DLC1: variants seen among roughly 807,000 people sequenced by gnomAD.
The protein encoded by DLC1 is DLC1 Rho GTPase activating protein, also known as rho GTPase-activating protein 7.
Under a neutral mutation model 140.3 loss-of-function variants are expected in DLC1, and 54 were observed. The ratio of observed to expected loss-of-function variants is 0.38; its 90% CI spans 0.31 to 0.48. The LOEUF (loss-of-function observed/expected upper bound fraction) is 0.48. Among genes scored for constraint, DLC1 ranks in the 20% least tolerant of loss-of-function variants. DLC1 has a pLI of 0.96. For synonymous variants in DLC1, 986 were observed against 728.1 expected (o/e 1.35, Z -5.70); for missense variants, 2,536 against 1,907.0 (o/e 1.33, Z -6.14).
intron 5 of DLC1, among the ~76,000 whole-genome samples, chr8:13,290,606 T>C (rs1249309423): frequency 6.6e-6 from 1 of 152,082 alleles, no homozygotes; most frequent in Admixed American, 6.5e-5. Flanking sequence ...TTAATAATAA[T>C]AATAAAGAGT....
rs762299647 is a variant in DLC1, at chr8:13,092,637, G to C, written c.3715C>G (p.Leu1239Val). The change falls in exon 13 of 18, where the codon CTG (leucine) becomes GTG (valine). Residue 1239 changes from leucine (L) to valine (V), a missense_variant. Transcript: ENST00000276297. Reference sequence around the variant, plus strand: ...CTGGGAGAGGAATTCTCTCTCTTCAGGGTGTTGAGATGGAAGAGGGAAGGC... The same window carrying C: ...CTGGGAGAGGAATTCTCTCTCTTCACGGTGTTGAGATGGAAGAGGGAAGGC... ...LAPSLFHLNT[L>V]KRENSSPRVM... 11 of 1,614,066 alleles carry C rather than the reference G, an allele frequency of 6.8e-6. No individual in the cohort carries two copies. The highest frequency in any genetic ancestry group is 9.3e-6 in the Non-Finnish European group (11 of 1,180,052).
In DLC1 at chr8:13,534,724, C is replaced by G. The variant is rs1803212912; in HGVS notation, c.-125-34528G>C. ...GAGCCAGCTGCTGTCAATTCTGAAG[C>G]CACTACCTTCTGAGTAGCTGAATCC... On this transcript the variant is annotated intron_variant, in intron 1 of 1. Transcript: ENST00000631382. Among the ~76,000 whole-genome samples, 4 of 152,196 alleles carry G rather than the reference C, an allele frequency of 2.6e-5. No homozygotes were observed. The South Asian group carries it at 8.3e-4, about 31-fold the overall frequency.
intron 5 of DLC1, among the ~76,000 whole-genome samples, chr8:13,189,893 AAAG>A (rs1184923895): frequency 6.6e-6 from 1 of 152,066 alleles, no homozygotes; most frequent in Non-Finnish European, 1.5e-5. Context: ...AGAAAAAAAA[AAAG>A]AAGCTGCACT....
At chr8:13,282,061 T>C (rs1185276364) in intron 5 of DLC1, among the ~76,000 whole-genome samples, 1 of 152,130 alleles carries the variant, frequency 6.6e-6, no homozygotes, top group Non-Finnish European at 1.5e-5. Context: ...TTACATAGGG[T>C]GGGGACTCGT....
intron 1 of DLC1, among the ~76,000 whole-genome samples, chr8:13,530,006 G>GTGGAGGATGCGAAGAGGGT (rs1189141338): frequency 6.6e-6 from 1 of 152,172 alleles, no homozygotes; most frequent in Non-Finnish European, 1.5e-5. Flanking sequence ...ATTTTGAGTA[G>GTGGAGGATGCGAAGAGGGT]TGGAGGATGC....
chr8:13,212,683 T>C (rs1237498644), intron 5 of DLC1, among the ~76,000 whole-genome samples: 1 of 152,200 alleles, frequency 6.6e-6, no homozygotes, highest in African/African-American at 2.4e-5. Flanking sequence ...CACAGTATTA[T>C]TGACGGTGCT....
intron 1 of DLC1, among the ~76,000 whole-genome samples, chr8:13,594,997 A>T (rs1477418870): frequency 6.6e-6 from 1 of 151,778 alleles, no homozygotes; most frequent in African/African-American, 2.4e-5. Context: ...ATATTTCTGT[A>T]TAGACTTCTT....
chr8:13,404,968 T>C (rs897382075), intron 2 of DLC1, among the ~76,000 whole-genome samples: 6 of 152,010 alleles, frequency 3.9e-5, no homozygotes, highest in South Asian at 2.1e-4. Context: ...GATCGTGCCA[T>C]TGTACTCCAG....
intron 5 of DLC1, among the ~76,000 whole-genome samples, chr8:13,222,076 A>T (rs1828584824): frequency 6.6e-6 from 1 of 150,512 alleles, no homozygotes; most frequent in Non-Finnish European, 1.5e-5. Flanking sequence ...TTCTAAGAAG[A>T]CCTCTGTATT....
chr8:13,359,214 A>G (rs1024364681), intron 4 of DLC1, among the ~76,000 whole-genome samples: 1 of 152,188 alleles, frequency 6.6e-6, no homozygotes, highest in African/African-American at 2.4e-5. Flanking sequence ...CTGGGATTAC[A>G]GGCGTGAGCC....
intron 5 of DLC1, among the ~76,000 whole-genome samples, chr8:13,161,684 T>C (rs1824710587): frequency 6.6e-6 from 1 of 152,152 alleles, no homozygotes; most frequent in Non-Finnish European, 1.5e-5. Flanking sequence ...GGGTGACTGG[T>C]TTATATGTAC....
intron 2 of DLC1, among the ~76,000 whole-genome samples, chr8:13,441,017 G>A (rs1798483232): frequency 6.6e-6 from 1 of 152,138 alleles, no homozygotes; most frequent in African/African-American, 2.4e-5. Flanking sequence ...ATAATGATAT[G>A]TGATTTTAAC....
intron 2 of DLC1, among the ~76,000 whole-genome samples, chr8:13,477,859 A>G (rs1298258104): frequency 1.3e-5 from 2 of 152,212 alleles, no homozygotes; most frequent in Non-Finnish European, 2.9e-5. Context: ...TCGTTAGAAA[A>G]AAAAAATCAA....
At chr8:13,131,575 G>T (rs1160078784) in intron 5 of DLC1, among the ~76,000 whole-genome samples, 1 of 123,658 alleles carries the variant, frequency 8.1e-6, no homozygotes, top group East Asian at 3.1e-4. Flanking sequence ...GGAGTGGGAC[G>T]AAGCTTTCTT....
At chr8:13,383,816 C>G (rs775992682) in intron 4 of DLC1, among the ~76,000 whole-genome samples, 2 of 152,142 alleles carry the variant, frequency 1.3e-5, no homozygotes, top group African/African-American at 2.4e-5. Context: ...TTCAGCCACA[C>G]GAATAAGCCA....
rs1240693891 is a variant in DLC1, at chr8:13,465,336, T to C, written c.1023+33713A>G. 2.6e-5 allele frequency among the ~76,000 whole-genome samples: 4 copies of C among 152,182 alleles called. No individual in the cohort carries two copies. The South Asian group carries it at 8.3e-4, about 31-fold the overall frequency. On this transcript the variant is annotated intron_variant, in intron 2 of 17. Transcript: ENST00000276297. The stretch of plus-strand genomic sequence containing the variant: ...AGATAATGCCAAATTTTTTTCCTAA[T>C]ATTATTGTATCAGTTATATTGATAC...
At chr8:13,185,297 T>TTG (rs1826297387) in intron 5 of DLC1, among the ~76,000 whole-genome samples, 1 of 145,540 alleles carries the variant, frequency 6.9e-6, no homozygotes, top group Admixed American at 7.2e-5. Context: ...TTTTTGTTTG[T>TTG]TTGTTTGTTT....
intron 5 of DLC1, among the ~76,000 whole-genome samples, chr8:13,269,949 C>T (rs1830861719): frequency 6.6e-6 from 1 of 150,784 alleles, no homozygotes; most frequent in African/African-American, 2.4e-5. Context: ...CGCCTGTAGT[C>T]CCAGCTACTC....
intron 5 of DLC1, among the ~76,000 whole-genome samples, chr8:13,186,743 G>C (rs1020653039): frequency 7.9e-5 from 12 of 152,212 alleles, no homozygotes; most frequent in South Asian, 4.1e-4. Context: ...CTGAGTTTTA[G>C]AATTTTCAGC....
Sources: allele counts gnomAD v4.1 joint callset (sites outside exome capture counted in the v4.1 genomes callset), GRCh38; gene constraint gnomAD v4.1.1; transcripts MANE v1.5; gene names NCBI Gene and HGNC (gene_info 2026-07-23, HGNC 2026-07-21).